Variants in DTNB observed in about 807,000 individuals in gnomAD.
DTNB encodes the protein dystrobrevin beta.
Under a neutral mutation model 90.7 loss-of-function variants are expected in DTNB, and 63 were observed. The observed-to-expected ratio is 0.69, with a 90% CI of 0.57 to 0.86. The LOEUF (loss-of-function observed/expected upper bound fraction) is 0.86, where lower values mean the gene tolerates loss of function less well. Ranked by LOEUF, DTNB falls within the 40% of genes least tolerant of loss-of-function variation. The probability of loss-of-function intolerance (pLI) is 0.00; values close to 1 mark genes in which losing one functional copy is unlikely to be tolerated. For synonymous variants in DTNB, 277 were observed against 286.7 expected, an observed-to-expected ratio of 0.97 and a Z score of 0.34; for missense variants, 744 against 807.1, an observed-to-expected ratio of 0.92 and a Z score of 0.95.
chr2:25,593,661 T>C (rs1057010017), intron 6 of DTNB, among the ~76,000 whole-genome samples: 1 of 152,232 alleles, frequency 6.6e-6, no homozygotes, highest in Non-Finnish European at 1.5e-5. Flanking sequence ...CTCACAATTA[T>C]GTATGTCATA....
intron 8 of DTNB, among the ~76,000 whole-genome samples, chr2:25,542,269 A>C (rs2081434399): frequency 6.6e-6 from 1 of 152,168 alleles, no homozygotes; most frequent in African/African-American, 2.4e-5. Flanking sequence ...GGGTTTAGTA[A>C]ATATTTTATA....
intron 11 of DTNB, among the ~76,000 whole-genome samples, chr2:25,453,646 C>A (rs903046252): frequency 2.0e-5 from 3 of 152,208 alleles, no homozygotes; most frequent in Non-Finnish European, 4.4e-5. Flanking sequence ...CTTTTGCTCA[C>A]TCTGGACAAT....
intron 6 of DTNB, among the ~76,000 whole-genome samples, chr2:25,587,306 C>T (rs1445390483): frequency 2.0e-5 from 3 of 152,202 alleles, no homozygotes; most frequent in Non-Finnish European, 2.9e-5. Context: ...AAACCAACAT[C>T]TGAGAAAGCA....
chr2:25,515,713 TTAC>T (rs2074969582), intron 9 of DTNB, among the ~76,000 whole-genome samples: 1 of 151,960 alleles, frequency 6.6e-6, no homozygotes, highest in African/African-American at 2.4e-5. Flanking sequence ...GTAGCTGGGA[TTAC>T]AGGAGCCCGC....
intron 5 of DTNB, among the ~76,000 whole-genome samples, chr2:25,600,689 A>AAT (rs1450261400): frequency 3.3e-5 from 5 of 152,278 alleles, no homozygotes; most frequent in South Asian, 2.1e-4. Flanking sequence ...CAAGTACATT[A>AAT]ATATATATAT....
rs56318909 is a variant in DTNB, at chr2:25,397,877, CAAAAAAAAAAAAAA to C, written c.1576-9530_1576-9517del. Among the ~76,000 whole-genome samples, 9 of 73,158 alleles carry C rather than the reference CAAAAAAAAAAAAAA, an allele frequency of 1.2e-4. 1 individual carries two copies. Among genetic ancestry groups the C allele is most frequent in the African/African-American group, 4.4e-4 (9 of 20,468 alleles). 48.0% of individuals were successfully genotyped at this position (73,158 alleles called of 152,430 possible). A position where few individuals can be genotyped will look rare whatever the true frequency, so the allele number is the denominator to read the frequency against. ...CCTGGGTGACAGAGCAAGACTGTCT[CAAAAAAAAAAAAAA>C]AAAAAAAAAAGAATGACCTCTGAAA... On this transcript the variant is annotated intron_variant, in intron 16 of 20. Coordinates refer to ENST00000406818, the MANE Select transcript of DTNB (RefSeq NM_021907.5).
In DTNB at chr2:25,485,980, G is replaced by C. The variant is rs533593706; in HGVS notation, c.1002-3107C>G. On this transcript the variant is annotated intron_variant, in intron 9 of 20. Coordinates refer to ENST00000406818, the MANE Select transcript of DTNB (RefSeq NM_021907.5). ...CTACTAAAAATATAAAAATTAGCTG[G>C]GTGTGGTGGCGGGTGCCTGTAATCC... is the stretch of plus-strand genomic sequence containing the variant. 7.9e-4 allele frequency among the ~76,000 whole-genome samples: 120 copies of C among 152,068 alleles called. 1 individual carries two copies. The highest frequency in any genetic ancestry group is 1.4e-3 in the Non-Finnish European group (94 of 67,980).
At position 25,533,213 on chromosome 2, in the gene DTNB, T is replaced by G. The variant is rs143224164; in HGVS notation, c.877-1616A>C. Among the ~76,000 whole-genome samples, 652 of 152,120 alleles carry G rather than the reference T, an allele frequency of 4.3e-3. 4 individuals carry two copies. Among genetic ancestry groups the G allele is most frequent in the African/African-American group, 0.015 (611 of 41,504 alleles). On this transcript the variant is annotated intron_variant, in intron 8 of 20. Coordinates refer to ENST00000406818, the MANE Select transcript of DTNB (RefSeq NM_021907.5). ...CGGTGGCATGTGCCTATAATCCCAG[T>G]GACTCGGGAAGCTGAGGTGGGAGGA...
At chr2:25,392,287 G>A (rs774786397) in intron 16 of DTNB, among the ~76,000 whole-genome samples, 7 of 152,080 alleles carry the variant, frequency 4.6e-5, no homozygotes, top group Admixed American at 1.3e-4. Flanking sequence ...GCACGCACCT[G>A]TAATCCCAGC....
intron 8 of DTNB, among the ~76,000 whole-genome samples, chr2:25,540,603 G>A (rs1490626143): frequency 1.3e-5 from 2 of 152,118 alleles, no homozygotes; most frequent in East Asian, 3.8e-4. Context: ...ATAGAAAAGG[G>A]GGAAAGGTGG....
At chr2:25,537,091 C>T (rs1408181263) in intron 8 of DTNB, among the ~76,000 whole-genome samples, 1 of 152,102 alleles carries the variant, frequency 6.6e-6, no homozygotes, top group Non-Finnish European at 1.5e-5. Flanking sequence ...ACTGCTGCTT[C>T]TGAGGGGTAG....
intron 5 of DTNB, among the ~76,000 whole-genome samples, chr2:25,605,429 C>T (rs2066896239): frequency 6.6e-6 from 1 of 152,158 alleles, no homozygotes; most frequent in South Asian, 2.1e-4. Flanking sequence ...GAAGCCACAT[C>T]AAAAAAACTG....
At chr2:25,490,281 C>A (rs527627061) in intron 9 of DTNB, among the ~76,000 whole-genome samples, 1 of 148,252 alleles carries the variant, frequency 6.7e-6, no homozygotes, top group Admixed American at 6.7e-5. Flanking sequence ...GTCTCGGTGG[C>A]GGGCAGGGGG....
intron 9 of DTNB, among the ~76,000 whole-genome samples, chr2:25,520,047 T>A (rs1159808021): frequency 6.6e-6 from 1 of 151,988 alleles, no homozygotes; most frequent in East Asian, 1.9e-4. Flanking sequence ...GAGAATACAA[T>A]AAAACCAATT....
chr2:25,558,202 T>G, intron 8 of DTNB: 1 of 985,202 alleles, frequency 1.0e-6, no homozygotes, highest in Admixed American at 6.1e-5. Flanking sequence ...CACACATGGA[T>G]TAAATTTATT....
At chr2:25,631,153 T>C (rs1239517600) in intron 3 of DTNB, among the ~76,000 whole-genome samples, 1 of 152,214 alleles carries the variant, frequency 6.6e-6, no homozygotes, top group East Asian at 1.9e-4. Flanking sequence ...ACTTTGTGGA[T>C]ATACTAAAAA....
intron 8 of DTNB, among the ~76,000 whole-genome samples, chr2:25,574,745 G>A (rs1359092547): frequency 6.6e-6 from 1 of 152,020 alleles, no homozygotes; most frequent in Non-Finnish European, 1.5e-5. Flanking sequence ...GAACTAATAC[G>A]TTTATCACAC....
intron 9 of DTNB, among the ~76,000 whole-genome samples, chr2:25,523,101 A>G (rs1042155178): frequency 3.3e-5 from 5 of 152,198 alleles, no homozygotes; most frequent in African/African-American, 1.2e-4. Context: ...CTATCAGAAA[A>G]GTCTATCAAC....
rs182024033 is a variant in DTNB, at chr2:25,602,749, C to T, written c.448+4487G>A. Among the ~76,000 whole-genome samples the T allele has an allele frequency of 3.6e-3, 548 of 152,224 alleles. 7 individuals carry two copies. Among genetic ancestry groups the T allele is most frequent in the Middle Eastern group, 6.8e-3 (2 of 294 alleles). ...TTATTATAAAACCATTGTGTTAGAA[C>T]CCAGAGAAAAACCCCTGTTATTATT... On this transcript the variant is annotated intron_variant, in intron 5 of 20. Transcript: ENST00000406818.
Sources: gnomAD v4.1 joint callset for allele counts (sites outside exome capture counted in the v4.1 genomes callset) on GRCh38, gnomAD v4.1.1 for gene constraint, MANE v1.5 for transcripts, NCBI Gene and HGNC (gene_info 2026-07-23, HGNC 2026-07-21) for gene names.